MAGI3: variants seen among roughly 807,000 people sequenced by gnomAD.
MAGI3 encodes membrane-associated guanylate kinase, WW and PDZ domain-containing protein 3.
Under a neutral mutation model 121.8 loss-of-function variants are expected in MAGI3, and 43 were observed. The observed-to-expected ratio is 0.35, with a 90% confidence interval of 0.28 to 0.46. The LOEUF (loss-of-function observed/expected upper bound fraction) is 0.46, where lower values mean the gene tolerates loss of function less well. MAGI3 is among the 20% of genes least tolerant of loss of function. MAGI3 has a pLI of 1.00. For missense variants in MAGI3, 1,547 were observed against 1,797.3 expected (o/e 0.86, Z 2.52); for synonymous variants, 553 against 639.3 (o/e 0.86, Z 2.04).
intron 6 of MAGI3, among the ~76,000 whole-genome samples, chr1:113,602,373 T>G (rs764520850): frequency 3.3e-5 from 5 of 152,144 alleles, no homozygotes; most frequent in African/African-American, 4.8e-5. Flanking sequence ...ATTTTTGGGT[T>G]AAGAACAAAA....
intron 1 of MAGI3, among the ~76,000 whole-genome samples, chr1:113,456,844 G>A (rs900377063): frequency 1.3e-4 from 20 of 149,078 alleles, no homozygotes; most frequent in South Asian, 4.2e-4. Flanking sequence ...AGAGGCTTGC[G>A]GATACAGCCT....
chr1:113,603,838 A>G (rs556226590), intron 6 of MAGI3, among the ~76,000 whole-genome samples: 2 of 152,356 alleles, frequency 1.3e-5, no homozygotes, highest in South Asian at 4.1e-4. Flanking sequence ...AAGTGGACAA[A>G]TTACATGAAT....
At chr1:113,533,443 G>T (rs1658820534) in intron 1 of MAGI3, among the ~76,000 whole-genome samples, 1 of 152,044 alleles carries the variant, frequency 6.6e-6, no homozygotes, top group Non-Finnish European at 1.5e-5. Context: ...CAGGGTGGAG[G>T]GTGGGAGGAG....
chr1:113,642,481 T>C lies in MAGI3; in HGVS notation c.1931T>C (p.Val644Ala), dbSNP rs1652603500. The C allele has an allele frequency of 1.2e-6, 2 of 1,613,982 alleles. No homozygotes were observed. The highest frequency in any genetic ancestry group is 2.2e-5 in the East Asian group (1 of 44,892). Residue 644 changes from valine (V) to alanine (A), a missense_variant, in exon 10 of 21, where the codon GTA becomes GCA. Val to Ala is a moderately conservative substitution (Grantham distance 64, BLOSUM62 0). Coordinates refer to ENST00000307546, the MANE Select transcript of MAGI3 (RefSeq NM_001142782.2). ...GTAGAGGTGCTAAAGCAGTTTCCAG[T>C]AGGTGCTGATGTACCATTGCTTATC... is the stretch of plus-strand genomic sequence containing the variant. ...QVVEVLKQFP[V>A]GADVPLLILR...
intron 1 of MAGI3, among the ~76,000 whole-genome samples, chr1:113,415,772 A>G (rs1464364202): frequency 6.6e-6 from 1 of 151,942 alleles, no homozygotes; most frequent in African/African-American, 2.4e-5. Context: ...ACTTCTTTTT[A>G]AGCTTCAAAA....
At chr1:113,507,788 T>C (rs1269003096) in intron 1 of MAGI3, among the ~76,000 whole-genome samples, 1 of 152,246 alleles carries the variant, frequency 6.6e-6, no homozygotes, top group Non-Finnish European at 1.5e-5. Flanking sequence ...TAATGTGATC[T>C]CATTTTTACC....
chr1:113,542,908 A>G (rs1267799524), intron 1 of MAGI3, among the ~76,000 whole-genome samples: 1 of 152,232 alleles, frequency 6.6e-6, no homozygotes, highest in Non-Finnish European at 1.5e-5. Flanking sequence ...ACTTACTAGC[A>G]GTGTAACCTT....
intron 9 of MAGI3, among the ~76,000 whole-genome samples, chr1:113,623,826 C>G (rs180749352): frequency 5.9e-5 from 9 of 152,182 alleles, no homozygotes; most frequent in Admixed American, 2.6e-4. Flanking sequence ...TTAACCATCT[C>G]CACTTCCCTC....
chr1:113,564,370 C>T (rs1660351885), intron 2 of MAGI3, among the ~76,000 whole-genome samples: 1 of 152,260 alleles, frequency 6.6e-6, no homozygotes, highest in Admixed American at 6.5e-5. Flanking sequence ...GACTGCTGCA[C>T]TTGACTGTTA....
At chr1:113,577,277 G>GT (rs1553201855) in intron 2 of MAGI3, among the ~76,000 whole-genome samples, 2 of 152,128 alleles carry the variant, frequency 1.3e-5, no homozygotes, top group Non-Finnish European at 2.9e-5. Flanking sequence ...TAAGATGAGG[G>GT]TAAGACTTGG....
chr1:113,526,642 G>A (rs1292708097), intron 1 of MAGI3, among the ~76,000 whole-genome samples: 2 of 152,196 alleles, frequency 1.3e-5, no homozygotes, highest in East Asian at 1.9e-4. Context: ...ACCTACAAAA[G>A]TAGAAGTATG....
chr1:113,462,522 C>T (rs1319844125), intron 1 of MAGI3, among the ~76,000 whole-genome samples: 1 of 151,844 alleles, frequency 6.6e-6, no homozygotes, highest in African/African-American at 2.4e-5. Flanking sequence ...AACCTACAAA[C>T]GAAGAAAACA....
chr1:113,407,931 A>G (rs1181478968), intron 1 of MAGI3, among the ~76,000 whole-genome samples: 1 of 152,154 alleles, frequency 6.6e-6, no homozygotes, highest in Non-Finnish European at 1.5e-5. Flanking sequence ...TTAGCACGGC[A>G]CTTAGGACTT....
At chr1:113,425,435 A>G (rs974300544) in intron 1 of MAGI3, among the ~76,000 whole-genome samples, 2 of 151,252 alleles carry the variant, frequency 1.3e-5, no homozygotes, top group Admixed American at 6.6e-5. Flanking sequence ...GGCGCCCGCC[A>G]CCACGCCCGG....
intron 1 of MAGI3, among the ~76,000 whole-genome samples, chr1:113,504,985 C>A (rs1336828322): frequency 2.0e-5 from 3 of 152,046 alleles, no homozygotes; most frequent in Non-Finnish European, 4.4e-5. Flanking sequence ...TGACCAAAAT[C>A]CTGTGTGTGA....
intron 7 of MAGI3, among the ~76,000 whole-genome samples, chr1:113,616,199 G>A (rs1357483976): frequency 6.6e-6 from 1 of 152,136 alleles, no homozygotes; most frequent in East Asian, 1.9e-4. Context: ...TTGTCAGGGA[G>A]GTACATGAAA....
At chr1:113,586,853 G>A (rs182132163) in intron 4 of MAGI3, among the ~76,000 whole-genome samples, 2,856 of 152,186 alleles carry the variant, frequency 0.019, 34 homozygotes, top group African/African-American at 0.025. Flanking sequence ...AGTTCTTTTA[G>A]CGGTAAACTT....
At chr1:113,651,411 C>T (rs1432823574) in intron 14 of MAGI3, among the ~76,000 whole-genome samples, 2 of 152,038 alleles carry the variant, frequency 1.3e-5, no homozygotes, top group African/African-American at 4.8e-5. Context: ...AAATTTTGGG[C>T]TTCTATATTA....
chr1:113,653,610 A>G (rs1653302670), intron 14 of MAGI3, among the ~76,000 whole-genome samples: 1 of 151,992 alleles, frequency 6.6e-6, no homozygotes, highest in South Asian at 2.1e-4. Context: ...GATTGTATGT[A>G]TTTTTCAGTA....
Sources: allele counts gnomAD v4.1 joint callset (sites outside exome capture counted in the v4.1 genomes callset), GRCh38; gene constraint gnomAD v4.1.1; transcripts MANE v1.5; gene names NCBI Gene and HGNC (gene_info 2026-07-23, HGNC 2026-07-21).